APOB: variants seen among roughly 807,000 people sequenced by gnomAD.
APOB encodes apolipoprotein B-100.
Under a neutral mutation model 314.1 loss-of-function variants are expected in APOB, and 153 were observed. That is an observed-to-expected ratio of 0.49 (90% CI 0.43 to 0.56). The LOEUF is 0.56. APOB is among the 20% of genes least tolerant of loss of function. APOB has a pLI of 0.00. For synonymous variants in APOB, 2,087 were observed against 2,036.4 expected, an observed-to-expected ratio of 1.02 and a Z score of -0.67; for missense variants, 5,430 against 5,350.7, an observed-to-expected ratio of 1.01 and a Z score of -0.46.
At chr2:21,042,116 G>C (rs1000992133) in intron 3 of APOB, among the ~76,000 whole-genome samples, 5 of 152,170 alleles carry the variant, frequency 3.3e-5, no homozygotes, top group Non-Finnish European at 7.3e-5. Flanking sequence ...TATTGCATCT[G>C]GGAAGTTAAC....
Position 21,006,064 on chromosome 2 carries a change from C to T in APOB, c.10804G>A (p.Val3602Ile), listed in dbSNP as rs530659716. The T allele has an allele frequency of 3.7e-6, 6 of 1,614,024 alleles. No individual in the cohort carries two copies. The highest frequency in any genetic ancestry group is 5.1e-6 in the Non-Finnish European group (6 of 1,179,950). ...SPWQMSALVQ[V>I]HASQPSSFHD... ...AAGGAACTGGGCTGACTTGCATGGA[C>T]CTGAACAAGAGCTGACATTTGCCAT... Residue 3602 changes from valine (V) to isoleucine (I), a missense_variant, in exon 26 of 29, where the codon GTC becomes ATC. Physicochemically the swap from Val to Ile is conservative, Grantham distance 29 (BLOSUM62 3). This residue lies in a region of APOB where 3,281 missense variants were observed against 3,171.0 expected (regional missense o/e 1.03). Coordinates refer to ENST00000233242, the MANE Select transcript of APOB (RefSeq NM_000384.3).
Position 21,010,811 on chromosome 2 carries a change from T to C in APOB, c.6057A>G (p.Leu2019=), listed in dbSNP as rs1663292441. 6.2e-7 allele frequency: 1 copy of C among 1,614,106 alleles called. No individual in the cohort carries two copies. The highest frequency in any genetic ancestry group is 1.3e-5 in the African/African-American group (1 of 75,034). ...GTGGCACTTTAATTGGGGAGTCTAG[T>C]AGAGTTAGGTCAGCCAGAGTTCGTC... ...LTGRTLADLT[L]LDSPIKVPLL... Residue 2019 remains leucine (L), a synonymous_variant, in exon 26 of 29, where the codon CTA becomes CTG. Transcript: ENST00000233242.
At chr2:21,012,813 A>G (rs1359766682) in intron 25 of APOB, among the ~76,000 whole-genome samples, 162 bp from the exon 26 acceptor site, 5 of 152,222 alleles carry the variant, frequency 3.3e-5, no homozygotes, top group Non-Finnish European at 2.9e-5. Flanking sequence ...AGCAAAAGGC[A>G]TTCCTCCAGG....
At chr2:21,023,793 T>C in intron 16 of APOB, 101 bp from the exon 17 acceptor site, 1 of 1,010,946 alleles carries the variant, frequency 9.9e-7, no homozygotes, top group Non-Finnish European at 1.4e-6. Flanking sequence ...CCTCTTTATC[T>C]GGAAAGGAAG....
At position 21,008,283 on chromosome 2, in the gene APOB, G is replaced by C; in HGVS notation, c.8585C>G (p.Thr2862Arg). ...GKSNTVASLH[T>R]EKNTLELSNG... ...ACTAAGCTCCAGTGTATTTTTTTCT[G>C]TGTGTAAACTTGCCACTGTGTTTGA... Residue 2862 changes from threonine (T) to arginine (R), a missense_variant, in exon 26 of 29, where the codon ACA becomes AGA. Coordinates refer to ENST00000233242, the MANE Select transcript of APOB (RefSeq NM_000384.3). 6.2e-7 allele frequency: 1 copy of C among 1,613,530 alleles called. No homozygotes were observed.
chr2:21,004,528 G>A (rs1341805870), intron 27 of APOB, 33 bp downstream of exon 27: 9 of 1,611,834 alleles, frequency 5.6e-6, no homozygotes, highest in African/African-American at 2.7e-5. Flanking sequence ...TTTTCAAAAG[G>A]TATAAGGTTT....
At chr2:21,021,691 C>T (rs915482679) in intron 18 of APOB, among the ~76,000 whole-genome samples, 7 of 152,210 alleles carry the variant, frequency 4.6e-5, no homozygotes, top group Admixed American at 2.6e-4. Flanking sequence ...GGAACACTCA[C>T]TCCTTTCTCC....
chr2:21,040,873 AACAC>A, intron 4 of APOB, 61 bp downstream of exon 4: 1 of 1,588,508 alleles, frequency 6.3e-7, no homozygotes, highest in Non-Finnish European at 8.6e-7. Context: ...GCCTGGTGCA[AACAC>A]ACAAGTTCAT....
Position 21,005,620 on chromosome 2 carries a change from G to A in APOB, c.11248C>T (p.His3750Tyr). 1 of 1,613,948 alleles carries A rather than the reference G, an allele frequency of 6.2e-7. No individual in the cohort carries two copies. The change falls in exon 26 of 29, where the codon CAT (histidine) becomes TAT (tyrosine). Residue 3750 changes from histidine (H) to tyrosine (Y), a missense_variant. Transcript: ENST00000233242. ...LNSVLVMPTF[H>Y]VPFTDLQVPS... is the part of the protein sequence containing the mutation. The stretch of plus-strand genomic sequence containing the variant: ...ACCTGAAGATCTGTAAATGGGACAT[G>A]GAACGTAGGCATGACAAGAACTGAA...
At chr2:21,027,306 ATTTTT>A (rs71391771) in intron 14 of APOB, among the ~76,000 whole-genome samples, 14 of 105,884 alleles carry the variant, frequency 1.3e-4, no homozygotes, top group African/African-American at 4.2e-4. Context: ...TTGCATTTCA[ATTTTT>A]TTTTTTTTTT....
rs754855494 is a variant in APOB, at chr2:21,022,843, A to C, written c.2804T>G (p.Leu935Arg). ...IIPSPKRPVK[L>R]LSGGNTLHLV... ...CTGAAAGAATTACCCTCCACTGAGC[A>C]GCTTGACTGGTCTCTTTGGGGAAGG... The change falls in exon 18 of 29, where the codon CTG (leucine) becomes CGG (arginine). Residue 935 changes from leucine (L) to arginine (R), a missense_variant. Around this residue, in one of 3 missense-constraint regions of APOB, gnomAD observed 2,085 missense variants for 2,079.7 expected, o/e 1.00. Coordinates refer to ENST00000233242, the MANE Select transcript of APOB (RefSeq NM_000384.3). The C allele has an allele frequency of 1.9e-6, 3 of 1,614,214 alleles. No individual in the cohort carries two copies. Among genetic ancestry groups the C allele is most frequent in the Non-Finnish European group, 2.5e-6 (3 of 1,180,028 alleles).
chr2:21,002,441 A>G lies in APOB; in HGVS notation c.12981T>C (p.Asn4327=). The part of the protein sequence containing the change: ...LKEMKFTYLI[N]YIQDEINTIF... The stretch of plus-strand genomic sequence containing the variant: ...TTGTGTTGATCTCATCTTGGATATA[A>G]TTAATAAGATAAGTAAATTTCATCT... The change falls in exon 29 of 29, where the codon AAT becomes AAC. Residue 4327 remains asparagine, a synonymous_variant. Coordinates refer to ENST00000233242, the MANE Select transcript of APOB (RefSeq NM_000384.3). 3.7e-6 allele frequency: 6 copies of G among 1,602,958 alleles called. No individual in the cohort carries two copies. The highest frequency in any genetic ancestry group is 1.1e-5 in the South Asian group (1 of 89,810).
chr2:21,005,888 G>A lies in APOB; in HGVS notation c.10980C>T (p.Asp3660=). 6.2e-7 allele frequency: 1 copy of A among 1,614,006 alleles called. No homozygotes were observed. Among genetic ancestry groups the A allele is most frequent in the Non-Finnish European group, 8.5e-7 (1 of 1,179,946 alleles). The change falls in exon 26 of 29, where the codon GAC becomes GAT. Residue 3660 remains aspartate (D), a synonymous_variant. Coordinates refer to ENST00000233242, the MANE Select transcript of APOB (RefSeq NM_000384.3). ...LSNDQEKAHL[D]IAGSLEGHLR... ...GGTGTCCTTCTAAGGATCCTGCAAT[G>A]TCAAGGTGTGCCTTTTCTTGGTCAT...
rs1189210413 is a variant in APOB at position 21,011,897 on chromosome 2, C to T, written c.4971G>A (p.Thr1657=). Residue 1657 remains threonine (T), a synonymous_variant, in exon 26 of 29, where the codon ACG becomes ACA. Transcript: ENST00000233242. ...IGQDGISTSA[T]TNLKCSLLVL... is the part of the protein sequence containing the mutation. ...CCAGGAGACTACACTTCAAGTTGGT[C>T]GTTGCACTGGTAGATATTCCATCTT... 6.8e-6 allele frequency: 11 copies of T among 1,613,768 alleles called. No individual in the cohort carries two copies. Among genetic ancestry groups the T allele is most frequent in the Admixed American group, 6.7e-5 (4 of 60,010 alleles).
rs375292895 is a variant in APOB at position 21,037,959 on chromosome 2, A to G, written c.536T>C (p.Leu179Pro). 6.2e-7 allele frequency: 1 copy of G among 1,614,092 alleles called. No individual in the cohort carries two copies. Among genetic ancestry groups the G allele is most frequent in the Non-Finnish European group, 8.5e-7 (1 of 1,180,042 alleles). The part of the protein sequence containing the change: ...ETEEAKQVLF[L>P]DTVYGNCSTH... ...GCTATCAGCTTTCTAAATCCTCACC[A>G]GAAACAACACTTGCTTGGCTTCTTC... The change falls in exon 5 of 29, where the codon CTG becomes CCG. Residue 179 changes from leucine to proline, a missense_variant and splice_region_variant. Physicochemically the swap from Leu to Pro is moderately conservative, Grantham distance 98 (BLOSUM62 -3). Transcript: ENST00000233242.
intron 6 of APOB, 23 bp downstream of exon 6, chr2:21,037,077 G>T (rs1337612140): frequency 6.2e-7 from 1 of 1,613,924 alleles, no homozygotes; most frequent in Non-Finnish European, 8.5e-7. Flanking sequence ...TGCTGTGCAC[G>T]ACAGTGCTGA....
At position 21,012,622 on chromosome 2, in the gene APOB, T is replaced by C. The variant is rs899828259; in HGVS notation, c.4246A>G (p.Asn1416Asp). Residue 1416 changes from asparagine to aspartate, a missense_variant, in exon 26 of 29, where the codon AAT becomes GAT. Transcript: ENST00000233242. ...CCATCACATGATAGTGTGAACGTAT[T>C]CTTGTGGTCATATGTTGTTTCTCCA... ...GSGETTYDHK[N>D]TFTLSCDGSL... 6.2e-7 allele frequency: 1 copy of C among 1,613,024 alleles called. No individual in the cohort carries two copies. Among genetic ancestry groups the C allele is most frequent in the African/African-American group, 1.3e-5 (1 of 75,046 alleles).
chr2:21,006,093 G>A lies in APOB; in HGVS notation c.10775C>T (p.Ser3592Phe). The change falls in exon 26 of 29, where the codon TCT becomes TTT. Residue 3592 changes from serine to phenylalanine, a missense_variant. By Grantham distance (155) the Ser-to-Phe change is radical. Transcript: ENST00000233242. ...AACAAGAGCTGACATTTGCCATGGAGAGAGTTCCAGGGTGGCTTTGCTTGT... is the reference window on the plus strand; with the variant it reads ...AACAAGAGCTGACATTTGCCATGGAAAGAGTTCCAGGGTGGCTTTGCTTGT... ...EHTSKATLEL[S>F]PWQMSALVQV... is the part of the protein sequence containing the mutation. 6.2e-6 allele frequency: 10 copies of A among 1,614,052 alleles called. No individual in the cohort carries two copies. The highest frequency in any genetic ancestry group is 1.1e-5 in the South Asian group (1 of 91,076).
At chr2:21,037,016 G>T (rs758206175) in intron 6 of APOB, 84 bp downstream of exon 6, 10 of 1,556,302 alleles carry the variant, frequency 6.4e-6, no homozygotes, top group Middle Eastern at 2.1e-4. Flanking sequence ...GTCCTCAAAG[G>T]TGCCCACTAG....
Sources: gnomAD v4.1 joint callset for allele counts (sites outside exome capture counted in the v4.1 genomes callset) on GRCh38, gnomAD v4.1.1 for gene constraint, gnomAD v4.1.1 regional missense constraint, MANE v1.5 for transcripts, NCBI Gene and HGNC (gene_info 2026-07-23, HGNC 2026-07-21) for gene names.